DLGAP2: variants seen among roughly 807,000 people sequenced by gnomAD.
DLGAP2 encodes disks large-associated protein 2.
Under a neutral mutation model 100.3 loss-of-function variants are expected in DLGAP2, and 26 were observed. That is an observed-to-expected ratio of 0.26 (90% CI 0.19 to 0.36). The LOEUF is 0.36. Among genes scored for constraint, DLGAP2 ranks in the 10% least tolerant of loss-of-function variants. DLGAP2 has a pLI of 1.00. For missense variants in DLGAP2, 1,858 were observed against 1,453.2 expected (o/e 1.28, Z -4.53); for synonymous variants, 886 against 630.1 (o/e 1.41, Z -6.08).
At chr8:1,559,379 T>G (rs904992845) in intron 5 of DLGAP2, among the ~76,000 whole-genome samples, 2 of 152,146 alleles carry the variant, frequency 1.3e-5, no homozygotes, top group Non-Finnish European at 2.9e-5. Context: ...GGAGAGAGAT[T>G]TGTTTGCTGA....
chr8:1,275,920 A>T (rs1383148466), intron 3 of DLGAP2, among the ~76,000 whole-genome samples: 8 of 60,208 alleles, frequency 1.3e-4, no homozygotes, highest in African/African-American at 1.8e-4. Flanking sequence ...TATATAAATA[A>T]ATATATATAG....
chr8:1,689,680 C>T (rs943186248), intron 12 of DLGAP2, among the ~76,000 whole-genome samples: 18 of 152,086 alleles, frequency 1.2e-4, no homozygotes, highest in African/African-American at 3.4e-4. Flanking sequence ...GGCCAGAAGA[C>T]GCAGATGACG....
At chr8:863,448 C>A (rs1258493796) in intron 1 of DLGAP2, among the ~76,000 whole-genome samples, 1 of 152,174 alleles carries the variant, frequency 6.6e-6, no homozygotes, top group African/African-American at 2.4e-5. Context: ...AGATACAGCA[C>A]CTTGTTGTGT....
At chr8:890,255 G>A (rs1027719370) in intron 1 of DLGAP2, among the ~76,000 whole-genome samples, 1 of 152,118 alleles carries the variant, frequency 6.6e-6, no homozygotes, top group East Asian at 1.9e-4. Flanking sequence ...AAGAAAAGCC[G>A]TCTAGGATGA....
chr8:975,982 A>C (rs867374276), intron 2 of DLGAP2, among the ~76,000 whole-genome samples: 3 of 152,320 alleles, frequency 2.0e-5, no homozygotes, highest in African/African-American at 4.8e-5. Context: ...GAAACCAATA[A>C]ACAATTATAG....
intron 2 of DLGAP2, among the ~76,000 whole-genome samples, chr8:1,092,830 G>A (rs569568985): frequency 6.6e-6 from 1 of 152,316 alleles, no homozygotes; most frequent in South Asian, 2.1e-4. Flanking sequence ...ACGGATTCCT[G>A]GAAGGCCAGG....
intron 3 of DLGAP2, among the ~76,000 whole-genome samples, chr8:1,435,828 G>A (rs1472820463): frequency 6.6e-6 from 1 of 151,880 alleles, no homozygotes; most frequent in Non-Finnish European, 1.5e-5. Flanking sequence ...CCCTGCGCAG[G>A]TAGAGGCTGA....
At chr8:1,058,400 G>A (rs569535745) in intron 2 of DLGAP2, among the ~76,000 whole-genome samples, 2 of 152,292 alleles carry the variant, frequency 1.3e-5, no homozygotes, top group South Asian at 2.1e-4. Flanking sequence ...TGTGAGATGC[G>A]GTGTGATATG....
At chr8:1,295,401 T>A (rs1010730750) in intron 3 of DLGAP2, among the ~76,000 whole-genome samples, 5 of 151,868 alleles carry the variant, frequency 3.3e-5, no homozygotes, top group Admixed American at 1.3e-4. Flanking sequence ...GGCTCTGGAG[T>A]TCTCCCTGGG....
At chr8:1,168,002 G>A (rs778352970) in intron 2 of DLGAP2, among the ~76,000 whole-genome samples, 1 of 150,922 alleles carries the variant, frequency 6.6e-6, no homozygotes, top group Non-Finnish European at 1.5e-5. Flanking sequence ...TCTAGCATTA[G>A]GTATATCTCC....
chr8:1,447,683 C>G (rs541640105), intron 3 of DLGAP2, among the ~76,000 whole-genome samples: 3 of 152,294 alleles, frequency 2.0e-5, no homozygotes, highest in Admixed American at 6.5e-5. Context: ...CCTTGTGCCT[C>G]TGGTAGAATT....
At chr8:1,455,075 C>T (rs1798269711) in intron 3 of DLGAP2, among the ~76,000 whole-genome samples, 1 of 152,224 alleles carries the variant, frequency 6.6e-6, no homozygotes, top group Non-Finnish European at 1.5e-5. Context: ...CCAGACACAT[C>T]ATCAGCTCCT....
intron 2 of DLGAP2, among the ~76,000 whole-genome samples, chr8:1,068,058 T>A (rs1340733618): frequency 6.6e-6 from 1 of 152,234 alleles, no homozygotes; most frequent in Non-Finnish European, 1.5e-5. Flanking sequence ...GGAACCACAG[T>A]GCACAGCCTT....
At chr8:1,555,309 C>T (rs115647032) in intron 5 of DLGAP2, among the ~76,000 whole-genome samples, 5 of 152,290 alleles carry the variant, frequency 3.3e-5, no homozygotes, top group East Asian at 1.9e-4. Flanking sequence ...AGTCCTAAAA[C>T]GCCTCCTTGA....
At chr8:1,077,497 G>C (rs1216733643) in intron 2 of DLGAP2, among the ~76,000 whole-genome samples, 1 of 152,110 alleles carries the variant, frequency 6.6e-6, no homozygotes, top group Non-Finnish European at 1.5e-5. Flanking sequence ...GGACTTTTAG[G>C]TGAACATCAC....
At chr8:1,328,564 T>C (rs1390954759) in intron 3 of DLGAP2, among the ~76,000 whole-genome samples, 1 of 152,188 alleles carries the variant, frequency 6.6e-6, no homozygotes, top group Non-Finnish European at 1.5e-5. Context: ...TTGGCCAGGC[T>C]GGTCTTGAAC....
At chr8:856,541 G>A (rs1429975658) in intron 1 of DLGAP2, among the ~76,000 whole-genome samples, 1 of 152,186 alleles carries the variant, frequency 6.6e-6, no homozygotes. Flanking sequence ...TTAGAATACA[G>A]GGTTAATATG....
At chr8:1,698,420 C>G (rs1003386254) in intron 14 of DLGAP2, among the ~76,000 whole-genome samples, 1 of 150,256 alleles carries the variant, frequency 6.7e-6, no homozygotes, top group Admixed American at 6.6e-5. Context: ...TCCAAGTAAG[C>G]CATGCATGGG....
intron 1 of DLGAP2, among the ~76,000 whole-genome samples, chr8:856,746 G>GGC (rs1432027046): frequency 8.5e-5 from 13 of 152,186 alleles, no homozygotes; most frequent in East Asian, 1.9e-4. Context: ...GTAATGGGGA[G>GGC]GCACCCCATA....
Sources: allele counts gnomAD v4.1 joint callset (sites outside exome capture counted in the v4.1 genomes callset), GRCh38; gene constraint gnomAD v4.1.1; transcripts MANE v1.5; gene names NCBI Gene and HGNC (gene_info 2026-07-23, HGNC 2026-07-21).